Variants in NEXMIF observed in about 807,000 individuals in gnomAD.
NEXMIF encodes the protein neurite extension and migration factor, also known as XLMR protein related to neurite extension.
Under a neutral mutation model 62.1 loss-of-function variants are expected in NEXMIF, and 8 were observed. The observed-to-expected ratio is 0.13, with a 90% CI of 0.08 to 0.23. The LOEUF (loss-of-function observed/expected upper bound fraction) is 0.23. NEXMIF is among the 10% of genes least tolerant of loss of function. The pLI, the probability that NEXMIF is intolerant of heterozygous loss-of-function variation, is 1.00. For missense variants in NEXMIF, 976 were observed against 1,113.3 expected, an observed-to-expected ratio of 0.88 and a Z score of 1.75; for synonymous variants, 404 against 416.6, an observed-to-expected ratio of 0.97 and a Z score of 0.37.
chrX:74,859,025 A>C (rs1391826457), intron 1 of NEXMIF, among the ~76,000 whole-genome samples: 5 of 110,869 alleles, frequency 4.5e-5, no homozygotes, highest in Non-Finnish European at 9.4e-5. Flanking sequence ...TCTAGAAAAT[A>C]GTCTCAAAAG....
intron 1 of NEXMIF, among the ~76,000 whole-genome samples, chrX:74,914,629 C>T (rs1363153774): frequency 9.0e-6 from 1 of 111,636 alleles, no homozygotes; most frequent in African/African-American, 3.3e-5. Context: ...TGCAGTGGGC[C>T]GAGATTGTGC....
chrX:74,792,892 T>G (rs1321324322), intron 1 of NEXMIF, among the ~76,000 whole-genome samples: 12 of 104,301 alleles, frequency 1.2e-4, no homozygotes, highest in Non-Finnish European at 2.0e-4. Context: ...ATGGGTTTCC[T>G]GAATACAGTA....
At chrX:74,895,912 AG>A (rs1304574164) in intron 1 of NEXMIF, among the ~76,000 whole-genome samples, 1 of 110,657 alleles carries the variant, frequency 9.0e-6, no homozygotes, top group East Asian at 2.8e-4. Context: ...AAGTTTCCAA[AG>A]GACTTAGTTT....
chrX:74,831,701 G>T (rs1423276952), intron 1 of NEXMIF, among the ~76,000 whole-genome samples: 5 of 111,637 alleles, frequency 4.5e-5, no homozygotes, highest in Admixed American at 3.8e-4. Context: ...TCCTTTGGGT[G>T]AAGGAAAGAC....
chrX:74,893,184 G>A (rs1315035992), intron 1 of NEXMIF, among the ~76,000 whole-genome samples: 1 of 112,120 alleles, frequency 8.9e-6, no homozygotes, highest in Non-Finnish European at 1.9e-5. Context: ...ACAGTTAAAG[G>A]ATGAAGAAAC....
At position 74,742,028 on chromosome X, in the gene NEXMIF, G is replaced by C. The variant is rs1430006433; in HGVS notation, c.2529C>G (p.Gly843=). The C allele has an allele frequency of 8.3e-7, 1 of 1,211,884 alleles. No individual in the cohort carries two copies. Among genetic ancestry groups the C allele is most frequent in the Non-Finnish European group, 1.1e-6 (1 of 895,441 alleles). ...ATGATTTTTCGGTTTGAGTGAGGCT[G>C]CCTTCATTTTGCTCTGGAGAATGGT... The part of the protein sequence containing the change: ...FSHHSPEQNE[G]SLTQTEKSFV... The change falls in exon 3 of 4, where the codon GGC becomes GGG. Residue 843 remains glycine (G), a synonymous_variant. Coordinates refer to ENST00000055682, the MANE Select transcript of NEXMIF (RefSeq NM_001008537.3).
chrX:74,812,673 T>C (rs749778712), intron 1 of NEXMIF, among the ~76,000 whole-genome samples: 12 of 110,491 alleles, frequency 1.1e-4, no homozygotes, highest in African/African-American at 1.3e-4. Flanking sequence ...GGAAGAAAAA[T>C]AGAAGAAAGA....
chrX:74,769,679 C>A, intron 1 of NEXMIF: 1 of 722,477 alleles, frequency 1.4e-6, no homozygotes, highest in Non-Finnish European at 2.2e-6. Flanking sequence ...GCTGGAAAAG[C>A]ACAAGAATTT....
intron 1 of NEXMIF, among the ~76,000 whole-genome samples, chrX:74,788,769 C>A (rs1602227464): frequency 9.1e-6 from 1 of 110,131 alleles, no homozygotes; most frequent in East Asian, 2.9e-4. Flanking sequence ...TATTTTATTT[C>A]CTGAGTGTGG....
chrX:74,796,420 C>G (rs1046228197), intron 1 of NEXMIF, among the ~76,000 whole-genome samples: 1 of 100,966 alleles, frequency 9.9e-6, no homozygotes, highest in South Asian at 4.4e-4. Context: ...AGTCTGGAAG[C>G]AATGATAGCT....
At chrX:74,898,334 T>A (rs909701166) in intron 1 of NEXMIF, among the ~76,000 whole-genome samples, 1 of 111,343 alleles carries the variant, frequency 9.0e-6, no homozygotes, top group Non-Finnish European at 1.9e-5. Flanking sequence ...AAACATCAGG[T>A]GAATCCCAAT....
chrX:74,786,677 A>C (rs1018356497), intron 1 of NEXMIF, among the ~76,000 whole-genome samples: 29 of 111,954 alleles, frequency 2.6e-4, no homozygotes, highest in African/African-American at 9.4e-4. Context: ...TGACATTCCT[A>C]AACTAAGGAC....
intron 1 of NEXMIF, among the ~76,000 whole-genome samples, chrX:74,854,837 T>A (rs2080528937): frequency 9.0e-6 from 1 of 111,360 alleles, no homozygotes; most frequent in Non-Finnish European, 1.9e-5. Flanking sequence ...AAAAATAAAA[T>A]ACCTAGTATT....
At chrX:74,846,439 T>TTAG (rs2080492095) in intron 1 of NEXMIF, among the ~76,000 whole-genome samples, 1 of 111,847 alleles carries the variant, frequency 8.9e-6, no homozygotes, top group African/African-American at 3.2e-5. Context: ...TATGGACTAT[T>TTAG]TAACTAGCTC....
Position 74,828,352 on chromosome X carries a change from C to T in NEXMIF, c.-47-82655G>A, listed in dbSNP as rs180907096. Among the ~76,000 whole-genome samples, 44 of 111,843 alleles carry T rather than the reference C, an allele frequency of 3.9e-4. 1 individual carries two copies. In the East Asian group the frequency reaches 8.7e-3, roughly 22 times the overall value. ...TAGGAATACACACTACATAAAGTTC[C>T]AAGTACTACAACACTTCAAAGACTC... On this transcript the variant is annotated intron_variant, in intron 1 of 3. Transcript: ENST00000055682.
At chrX:74,901,827 C>G (rs1338796577) in intron 1 of NEXMIF, among the ~76,000 whole-genome samples, 1 of 111,151 alleles carries the variant, frequency 9.0e-6, no homozygotes, top group Non-Finnish European at 1.9e-5. Flanking sequence ...CCTTTAATAC[C>G]TCTACCAGAA....
intron 1 of NEXMIF, among the ~76,000 whole-genome samples, chrX:74,894,825 T>C (rs764145153): frequency 1.8e-5 from 2 of 111,924 alleles, no homozygotes; most frequent in East Asian, 5.6e-4. Flanking sequence ...GGAACATACC[T>C]CAACATAATA....
intron 1 of NEXMIF, among the ~76,000 whole-genome samples, chrX:74,885,203 T>C (rs943921127): frequency 9.0e-6 from 1 of 111,113 alleles, no homozygotes; most frequent in Non-Finnish European, 1.9e-5. Flanking sequence ...AGGAAAGATC[T>C]GAAATTGACA....
intron 1 of NEXMIF, among the ~76,000 whole-genome samples, chrX:74,914,683 T>TCAAA (rs915612224): frequency 8.1e-5 from 9 of 110,942 alleles, no homozygotes; most frequent in African/African-American, 1.6e-4. Context: ...TCCGCCCCAC[T>TCAAA]CAAACAAACA....
Sources: allele counts gnomAD v4.1 joint callset (sites outside exome capture counted in the v4.1 genomes callset), GRCh38; gene constraint gnomAD v4.1.1; transcripts MANE v1.5; gene names NCBI Gene and HGNC (gene_info 2026-07-23, HGNC 2026-07-21).